The following COL5A2 variants were observed in gnomAD, a reference collection of about 807,000 sequenced individuals.
COL5A2 encodes the protein collagen type V alpha 2 chain.
In COL5A2, 23 loss-of-function variants were observed where a neutral mutation model predicts 208.2. The ratio of observed to expected loss-of-function variants is 0.11; its 90% CI spans 0.08 to 0.16. The LOEUF is 0.16. Among genes scored for constraint, COL5A2 ranks in the 10% least tolerant of loss-of-function variants. The pLI, the probability that COL5A2 is intolerant of heterozygous loss-of-function variation, is 1.00. For synonymous variants in COL5A2, 625 were observed against 628.5 expected (o/e 0.99, Z 0.08); for missense variants, 1,590 against 1,956.4 (o/e 0.81, Z 3.53).
chr2:189,194,780 C>T (rs1215489274), intron 1 of COL5A2, among the ~76,000 whole-genome samples: 2 of 152,092 alleles, frequency 1.3e-5, no homozygotes, highest in African/African-American at 2.4e-5. Flanking sequence ...CCATCAATAC[C>T]TACTTTATTG....
chr2:189,181,352 C>T (rs1688776847), upstream of COL5A2, among the ~76,000 whole-genome samples: 1 of 152,182 alleles, frequency 6.6e-6, no homozygotes, highest in African/African-American at 2.4e-5. Context: ...CACCACCACA[C>T]TGTTCTCAGG....
At chr2:189,363,363 T>G in the COL5A2 span, among the ~76,000 whole-genome samples, 1 of 152,140 alleles carries the variant, frequency 6.6e-6, no homozygotes, top group Non-Finnish European at 1.5e-5. Flanking sequence ...TTTATAAATT[T>G]ACAAATGTCT....
At chr2:189,041,791 A>G in intron 49 of COL5A2, 98 bp from the exon 50 acceptor site, 1 of 737,328 alleles carries the variant, frequency 1.4e-6, no homozygotes, top group Non-Finnish European at 2.4e-6. Flanking sequence ...GAGCTGTAAC[A>G]GTGATTTCTA....
At chr2:189,272,554 T>A in the COL5A2 span, among the ~76,000 whole-genome samples, 2 of 152,042 alleles carry the variant, frequency 1.3e-5, no homozygotes, top group African/African-American at 2.4e-5. Flanking sequence ...GAGAAATACT[T>A]AATGTAGATG....
chr2:189,232,124 A>G, the COL5A2 span, among the ~76,000 whole-genome samples: 91,142 of 151,416 alleles, frequency 0.6, 28,502 homozygotes, highest in East Asian at 0.72. Context: ...CAAGGGTTTG[A>G]ATAAGTGGAA....
At chr2:189,132,745 A>G (rs536931671) in intron 1 of COL5A2, among the ~76,000 whole-genome samples, 1 of 151,888 alleles carries the variant, frequency 6.6e-6, no homozygotes, top group South Asian at 2.1e-4. Flanking sequence ...ACATGGTGAA[A>G]CCCCGTCTCT....
chr2:189,312,456 G>A, the COL5A2 span, among the ~76,000 whole-genome samples: 13 of 152,270 alleles, frequency 8.5e-5, no homozygotes, highest in African/African-American at 2.4e-4. Context: ...ACTGCTGACC[G>A]GCCGGGCGCC....
At chr2:189,257,310 T>A in the COL5A2 span, among the ~76,000 whole-genome samples, 2 of 152,354 alleles carry the variant, frequency 1.3e-5, no homozygotes, top group East Asian at 3.9e-4. Context: ...CTGTGAAAGT[T>A]AAAATTCTTA....
chr2:189,078,708 T>C, intron 15 of COL5A2, 139 bp from the exon 16 acceptor site: 1 of 802,068 alleles, frequency 1.2e-6, no homozygotes, highest in Admixed American at 1.8e-5. Context: ...ATGTTGGGTT[T>C]GAAAAACTAT....
At chr2:189,387,605 A>T in the COL5A2 span, among the ~76,000 whole-genome samples, 38 of 152,288 alleles carry the variant, frequency 2.5e-4, no homozygotes, top group Admixed American at 5.2e-4. Context: ...ATCCAAGAAG[A>T]TTAAAATTTT....
At chr2:189,247,793 T>C in the COL5A2 span, among the ~76,000 whole-genome samples, 1 of 152,096 alleles carries the variant, frequency 6.6e-6, no homozygotes, top group African/African-American at 2.4e-5. Context: ...TTGGTCAGGC[T>C]GGTCTCTAAT....
At chr2:189,350,877 C>T in the COL5A2 span, among the ~76,000 whole-genome samples, 3 of 152,174 alleles carry the variant, frequency 2.0e-5, no homozygotes, top group African/African-American at 7.2e-5. Context: ...CCAGATGTTT[C>T]TAATTTCTCT....
In COL5A2 at chr2:189,108,285, G is replaced by A. The variant is rs137932406; in HGVS notation, c.322+1940C>T. ...ACTCTTGGTTGCCTTGCATTTAGCC[G>A]ATGGTAGTTTCCCTGAGAAATTTAT... On this transcript the variant is annotated intron_variant, in intron 2 of 53. Coordinates refer to ENST00000374866, the MANE Select transcript of COL5A2 (RefSeq NM_000393.5). 4.7e-3 allele frequency among the ~76,000 whole-genome samples: 714 copies of A among 151,850 alleles called. 3 individuals carry two copies. Among genetic ancestry groups the A allele is most frequent in the South Asian group, 0.013 (64 of 4,826 alleles).
At chr2:189,372,998 T>G in the COL5A2 span, among the ~76,000 whole-genome samples, 20 of 152,170 alleles carry the variant, frequency 1.3e-4, no homozygotes, top group Admixed American at 1.3e-3. Flanking sequence ...AGTCAATTAG[T>G]AGCAAATGCA....
In COL5A2 at chr2:189,058,750, T is replaced by C. The variant is rs1017788538; in HGVS notation, c.2130+99A>G. ...TTAATTTTTATCCAGTCAAAGAATT[T>C]ATAGGTTAAAATAAATCCCAGTTTA... On this transcript the variant is annotated intron_variant, in intron 32 of 53. Transcript: ENST00000374866. The C allele has an allele frequency of 3.5e-6, 4 of 1,154,512 alleles. No homozygotes were observed. In the African/African-American group the frequency reaches 6.3e-5, roughly 18 times the overall value. The allele number at this position is 1,154,512 out of a possible 1,614,324, so 71.5% of individuals were successfully genotyped here.
At chr2:189,404,511 C>T in the COL5A2 span, among the ~76,000 whole-genome samples, 12 of 152,130 alleles carry the variant, frequency 7.9e-5, no homozygotes, top group African/African-American at 2.4e-4. Context: ...TTACACCATT[C>T]GCTCCCCTGG....
At chr2:189,126,047 A>G (rs1377325902) in intron 1 of COL5A2, among the ~76,000 whole-genome samples, 1 of 152,130 alleles carries the variant, frequency 6.6e-6, no homozygotes, top group Non-Finnish European at 1.5e-5. Flanking sequence ...CAGCCTACAT[A>G]TGATAAATTA....
the COL5A2 span, among the ~76,000 whole-genome samples, chr2:189,328,779 G>A: frequency 6.6e-6 from 1 of 152,196 alleles, no homozygotes; most frequent in Non-Finnish European, 1.5e-5. Context: ...CAAAAGCCTG[G>A]TGAACTATCA....
At chr2:189,377,137 A>C in the COL5A2 span, among the ~76,000 whole-genome samples, 1 of 152,166 alleles carries the variant, frequency 6.6e-6, no homozygotes, top group Non-Finnish European at 1.5e-5. Flanking sequence ...ATGTAAGTTA[A>C]ATTATAGCCT....
Sources: allele counts gnomAD v4.1 joint callset (sites outside exome capture counted in the v4.1 genomes callset), GRCh38; gene constraint gnomAD v4.1.1; transcripts MANE v1.5; gene names NCBI Gene and HGNC (gene_info 2026-07-23, HGNC 2026-07-21).